Variants in CENPQ observed in about 807,000 individuals in gnomAD.
The protein encoded by CENPQ is chromosome 6 open reading frame 139.
A neutral mutation model predicts 36.6 loss-of-function variants in CENPQ; 27 were observed. The ratio of observed to expected loss-of-function variants is 0.74; its 90% CI spans 0.54 to 1.02. The LOEUF (loss-of-function observed/expected upper bound fraction) is 1.02. Ranked by LOEUF, CENPQ falls within the 50% of genes least tolerant of loss-of-function variation. The probability of loss-of-function intolerance (pLI) is 0.00; values close to 1 mark genes in which losing one functional copy is unlikely to be tolerated. For missense variants in CENPQ, 306 were observed against 301.8 expected, an observed-to-expected ratio of 1.01 and a Z score of -0.10; for synonymous variants, 101 against 101.7, an observed-to-expected ratio of 0.99 and a Z score of 0.04.
intron 6 of CENPQ, 80 bp downstream of exon 6, chr6:49,481,160 TG>T (rs1304877537): frequency 5.0e-6 from 6 of 1,202,208 alleles, no homozygotes; most frequent in Non-Finnish European, 6.9e-6. Flanking sequence ...ATTATCATGA[TG>T]TTCTTCCAGT....
In CENPQ at chr6:49,487,454, T is replaced by TA. The variant is rs759527083; in HGVS notation, c.478-884dup. Among the ~76,000 whole-genome samples the TA allele has an allele frequency of 2.1e-3, 194 of 93,268 alleles. 7 individuals are homozygous for TA. The East Asian group carries it at 0.023, about 11-fold the overall frequency. 61.2% of individuals were successfully genotyped at this position (93,268 alleles called of 152,430 possible). A position where few individuals can be genotyped will look rare whatever the true frequency, so the allele number is the denominator to read the frequency against. On this transcript the variant is annotated intron_variant, in intron 6 of 8. Transcript: ENST00000335783. ...GCTGACCCCTGCAGCTACCCTTTCT[T>TA]AAAAAAAAAAAAAAGTCATTTAGAA...
chr6:49,468,779 G>A (rs1768062852), intron 1 of CENPQ, among the ~76,000 whole-genome samples: 1 of 152,188 alleles, frequency 6.6e-6, no homozygotes, highest in Non-Finnish European at 1.5e-5. Context: ...GAGAAGGAAT[G>A]TGTACCATTT....
rs1768752736 is a variant in CENPQ, at chr6:49,492,629, T to G, written c.*354T>G. ...TCAGGAGCTGTGATAAGTAAGTGTTTACATACACTGTCTAGTGCATAAAAA... is the reference window on the plus strand; with the variant it reads ...TCAGGAGCTGTGATAAGTAAGTGTTGACATACACTGTCTAGTGCATAAAAA... On this transcript the variant is annotated 3_prime_UTR_variant, in exon 9 of 9. Transcript: ENST00000335783. 5.9e-6 allele frequency: 1 copy of G among 168,154 alleles called. No individual in the cohort carries two copies. Among genetic ancestry groups the G allele is most frequent in the South Asian group, 1.7e-4 (1 of 5,992 alleles). 10.4% of individuals were successfully genotyped at this position (168,154 alleles called of 1,614,324 possible). A position where few individuals can be genotyped will look rare whatever the true frequency, so the allele number is the denominator to read the frequency against.
In CENPQ at chr6:49,492,820, T is replaced by C. The variant is rs1768756585; in HGVS notation, c.*545T>C. On this transcript the variant is annotated 3_prime_UTR_variant, in exon 9 of 9. Transcript: ENST00000335783. ...GCTATCTTTAACTTTGGAGGTAGTA[T>C]CAAAATTTTACTTCTTTGGTTGTTT... The C allele has an allele frequency of 6.6e-6, 1 of 152,542 alleles. No individual in the cohort carries two copies. The highest frequency in any genetic ancestry group is 2.4e-5 in the African/African-American group (1 of 41,450). The allele number at this position is 152,542 out of a possible 1,614,324, so 9.4% of individuals were successfully genotyped here. A position where few individuals can be genotyped will look rare whatever the true frequency, so the allele number is the denominator to read the frequency against.
At chr6:49,476,798 A>C (rs2127425416) in intron 5 of CENPQ, among the ~76,000 whole-genome samples, 1 of 152,368 alleles carries the variant, frequency 6.6e-6, no homozygotes, top group Middle Eastern at 3.4e-3. Context: ...ACATTTATGC[A>C]GCCAACAGAC....
At chr6:49,479,999 C>T (rs1768390758) in intron 5 of CENPQ, among the ~76,000 whole-genome samples, 1 of 152,138 alleles carries the variant, frequency 6.6e-6, no homozygotes, top group Non-Finnish European at 1.5e-5. Context: ...AACTACCTAT[C>T]AGGTACTATG....
chr6:49,469,017 T>A (rs1768068685), intron 1 of CENPQ, among the ~76,000 whole-genome samples: 1 of 152,230 alleles, frequency 6.6e-6, no homozygotes, highest in Admixed American at 6.5e-5. Context: ...TTTGGTAAGG[T>A]ATCACATTGT....
chr6:49,490,113 C>T (rs1768684912), intron 8 of CENPQ, among the ~76,000 whole-genome samples: 1 of 152,210 alleles, frequency 6.6e-6, no homozygotes, highest in South Asian at 2.1e-4. Context: ...CTTCTCTTTT[C>T]CAACTATCAA....
chr6:49,489,756 AT>A, intron 8 of CENPQ, among the ~76,000 whole-genome samples: 1 of 152,224 alleles, frequency 6.6e-6, no homozygotes, highest in Non-Finnish European at 1.5e-5. Context: ...TGAAAACAAC[AT>A]TAATCTCCTT....
chr6:49,475,022 A>C (rs993132189), intron 5 of CENPQ, among the ~76,000 whole-genome samples: 3 of 152,212 alleles, frequency 2.0e-5, no homozygotes, highest in Non-Finnish European at 4.4e-5. Flanking sequence ...TTAATAGCCT[A>C]CCAACCAAAA....
intron 1 of CENPQ, among the ~76,000 whole-genome samples, chr6:49,467,522 C>G (rs1223199130): frequency 1.3e-5 from 2 of 152,188 alleles, no homozygotes; most frequent in South Asian, 4.1e-4. Flanking sequence ...ATACTAATTA[C>G]TAGAAAATGA....
intron 6 of CENPQ, among the ~76,000 whole-genome samples, chr6:49,481,817 G>A (rs187969497): frequency 1.3e-4 from 19 of 149,288 alleles, no homozygotes; most frequent in African/African-American, 2.2e-4. Context: ...GTCCCACACC[G>A]TGTGCCAGCA....
rs149129793 is a variant in CENPQ at position 49,468,881 on chromosome 6, G to A, written c.-18-1278G>A. Among the ~76,000 whole-genome samples the A allele has an allele frequency of 3.3e-5, 5 of 151,244 alleles. No individual in the cohort carries two copies. The East Asian group carries it at 9.8e-4, about 30-fold the overall frequency. On this transcript the variant is annotated intron_variant, in intron 1 of 8. Coordinates refer to ENST00000335783, the MANE Select transcript of CENPQ (RefSeq NM_018132.4). ...ACTATTGTACATGTCAGCCCTTCCAGGAGAGATCTACAAGTGAAATTCTGT... is the reference window on the plus strand; with the variant it reads ...ACTATTGTACATGTCAGCCCTTCCAAGAGAGATCTACAAGTGAAATTCTGT...
rs892613598 is a variant in CENPQ at position 49,474,927 on chromosome 6, G to T, written c.347+2069G>T. The stretch of plus-strand genomic sequence containing the variant: ...ATCTAGAAGAAATGGATAAATTCCT[G>T]GACACATACACCTCCCAAGACTAAA... On this transcript the variant is annotated intron_variant, in intron 5 of 8. Transcript: ENST00000335783. Among the ~76,000 whole-genome samples, 15 of 152,054 alleles carry T rather than the reference G, an allele frequency of 9.9e-5. No individual in the cohort carries two copies. In the South Asian group the frequency reaches 2.5e-3, roughly 25 times the overall value.
intron 5 of CENPQ, among the ~76,000 whole-genome samples, chr6:49,474,980 AC>A: frequency 6.6e-6 from 1 of 152,276 alleles, no homozygotes; most frequent in Non-Finnish European, 1.5e-5. Context: ...CCCTGAATAG[AC>A]CAATAACAGG....
intron 6 of CENPQ, among the ~76,000 whole-genome samples, chr6:49,482,897 C>T (rs955518510): frequency 1.3e-5 from 2 of 152,062 alleles, no homozygotes; most frequent in African/African-American, 2.4e-5. Context: ...TGCAGACCTT[C>T]GCGGTGAGTG....
chr6:49,492,230 G>A lies in CENPQ; in HGVS notation c.762G>A (p.Met254Ile). ...ILHNSSQMKS[M>I]STFIEEAYKK... ...ATAATTCATCACAGATGAAGAGCATGTCAACCTTCATTGAAGAAGCCTATA... is the reference window on the plus strand; with the variant it reads ...ATAATTCATCACAGATGAAGAGCATATCAACCTTCATTGAAGAAGCCTATA... The change falls in exon 9 of 9, where the codon ATG becomes ATA. Residue 254 changes from methionine (M) to isoleucine (I), a missense_variant. Transcript: ENST00000335783. The A allele has an allele frequency of 6.2e-7, 1 of 1,606,506 alleles. No individual in the cohort carries two copies. Among genetic ancestry groups the A allele is most frequent in the African/African-American group, 1.3e-5 (1 of 74,664 alleles).
intron 5 of CENPQ, among the ~76,000 whole-genome samples, chr6:49,477,865 A>G (rs1690247983): frequency 6.6e-6 from 1 of 152,224 alleles, no homozygotes; most frequent in Non-Finnish European, 1.5e-5. Flanking sequence ...ATAAGCTAAT[A>G]CAAGTATAAT....
At chr6:49,475,389 A>T (rs564410772) in intron 5 of CENPQ, among the ~76,000 whole-genome samples, 104 of 152,214 alleles carry the variant, frequency 6.8e-4, no homozygotes, top group African/African-American at 2.5e-3. Flanking sequence ...CATGCTAAAA[A>T]CTCTAAATAA....
Sources: gnomAD v4.1 joint callset for allele counts (sites outside exome capture counted in the v4.1 genomes callset) on GRCh38, gnomAD v4.1.1 for gene constraint, MANE v1.5 for transcripts, NCBI Gene and HGNC (gene_info 2026-07-23, HGNC 2026-07-21) for gene names.